NPAS4: variants seen among roughly 807,000 people sequenced by gnomAD.
NPAS4 encodes the protein neuronal PAS domain protein 4.
NPAS4 carries 10 observed loss-of-function variants against 64.0 expected under a neutral mutation model. The ratio of observed to expected loss-of-function variants is 0.16; its 90% CI spans 0.10 to 0.26. The LOEUF is 0.26. Among genes scored for constraint, NPAS4 ranks in the 10% least tolerant of loss-of-function variants. The pLI, the probability that NPAS4 is intolerant of heterozygous loss-of-function variation, is 1.00. For synonymous variants in NPAS4, 441 were observed against 411.7 expected (o/e 1.07, Z -0.86); for missense variants, 886 against 992.6 (o/e 0.89, Z 1.44).
chr11:66,421,675 A>G (rs911645336), intron 1 of NPAS4, among the ~76,000 whole-genome samples: 5 of 152,228 alleles, frequency 3.3e-5, no homozygotes, highest in African/African-American at 7.2e-5. Flanking sequence ...GGGAAGTTGC[A>G]GGGATGGAGC....
At chr11:66,410,927 TG>T in the NPAS4 span, 1 of 152,268 alleles carries the variant, frequency 6.6e-6, no homozygotes, top group Non-Finnish European at 1.5e-5. Flanking sequence ...GAGGATGACC[TG>T]GGGGTCTGTT....
rs372289639 is a variant in NPAS4 at position 66,422,144 on chromosome 11, G to T, written c.200G>T (p.Gly67Val). ...GGCACTCCTCTGGCGGGCCCCACGG[G>T]GCTTCTCTCAGCTCAAGAGCTTGAG... ...AGGTPLAGPT[G>V]LLSAQELEDI... is the part of the protein sequence containing the mutation. The change falls in exon 2 of 8, where the codon GGG becomes GTG. Residue 67 changes from glycine (G) to valine (V), a missense_variant. Around this residue, in one of 3 missense-constraint regions of NPAS4, gnomAD observed 820 missense variants for 855.5 expected, o/e 0.96. Transcript: ENST00000311034. 1.2e-6 allele frequency: 2 copies of T among 1,613,954 alleles called. No individual in the cohort carries two copies. Among genetic ancestry groups the T allele is most frequent in the Non-Finnish European group, 1.7e-6 (2 of 1,180,036 alleles).
chr11:66,421,423 G>C, intron 1 of NPAS4, 69 bp downstream of exon 1: 2 of 1,450,182 alleles, frequency 1.4e-6, no homozygotes, highest in South Asian at 2.3e-5. Context: ...GAGGGAACCC[G>C]CTGGGGCTGT....
chr11:66,410,468 G>A, the NPAS4 span: 1 of 152,484 alleles, frequency 6.6e-6, no homozygotes, highest in Non-Finnish European at 1.5e-5. Context: ...CAGTGCAGAG[G>A]GGGAGACTCA....
chr11:66,426,138 GGA>G lies in NPAS4; in HGVS notation c.*151_*152del. On this transcript the variant is annotated 3_prime_UTR_variant, in exon 8 of 8. Coordinates refer to ENST00000311034, the MANE Select transcript of NPAS4 (RefSeq NM_178864.4). ...AGGCCCTGCAGGATTTTGGGGGGGG[GGA>G]GGTGGGAGGGCAAGGGAGGGGAGCT... 13 of 456,340 alleles carry G rather than the reference GGA, an allele frequency of 2.8e-5. No individual in the cohort carries two copies. Among genetic ancestry groups the G allele is most frequent in the East Asian group, 1.4e-4 (3 of 21,202 alleles). 28.3% of individuals were successfully genotyped at this position (456,340 alleles called of 1,614,324 possible).
At chr11:66,414,736 G>C in the NPAS4 span, among the ~76,000 whole-genome samples, 1 of 152,230 alleles carries the variant, frequency 6.6e-6, no homozygotes, top group African/African-American at 2.4e-5. Flanking sequence ...CCAGCTCTGC[G>C]TGGGTTTCCT....
In NPAS4 at chr11:66,421,297, C is replaced by T; in HGVS notation, c.118C>T (p.Leu40=). 6.2e-7 allele frequency: 1 copy of T among 1,614,022 alleles called. No homozygotes were observed. Among genetic ancestry groups the T allele is most frequent in the Non-Finnish European group, 8.5e-7 (1 of 1,179,956 alleles). The change falls in exon 1 of 8, where the codon CTG becomes TTG. Residue 40 remains leucine (L), a synonymous_variant. Coordinates refer to ENST00000311034, the MANE Select transcript of NPAS4 (RefSeq NM_178864.4). ...AGCGGACAAGGTCCGGCTGTCCTAC[C>T]TGCACATCATGAGCCTCGCCTGCAT... ...AEADKVRLSY[L]HIMSLACIYT... is the part of the protein sequence containing the mutation.
Position 66,422,849 on chromosome 11 carries a change from T to TTCTGGC in NPAS4, c.606_607insTCTGGC (p.Gly202_Pro203insSerGly). ...CTCTGGAGCCGAGACCCCGCCCAGG[T>TTCTGGC]CCTGGCCCTGGCCCTGGCCCTGCCT... On this transcript the variant is annotated inframe_insertion, in exon 4 of 8. Coordinates refer to ENST00000311034, the MANE Select transcript of NPAS4 (RefSeq NM_178864.4). 6.2e-7 allele frequency: 1 copy of TTCTGGC among 1,613,568 alleles called. No individual in the cohort carries two copies. Among genetic ancestry groups the TTCTGGC allele is most frequent in the Non-Finnish European group, 8.5e-7 (1 of 1,179,998 alleles).
chr11:66,409,218 G>A, the NPAS4 span: 1 of 81,998 alleles, frequency 1.2e-5, no homozygotes, highest in Non-Finnish European at 2.3e-5. Context: ...CCCCCGAGCC[G>A]CGAGCCCCGC....
At chr11:66,418,663 A>G (rs922359908), upstream of NPAS4, among the ~76,000 whole-genome samples, 1 of 152,074 alleles carries the variant, frequency 6.6e-6, no homozygotes, top group African/African-American at 2.4e-5. Context: ...GGAAAAAGCC[A>G]GGGGCTCTTC....
intron 7 of NPAS4, 110 bp downstream of exon 7, chr11:66,425,380 G>T: frequency 1.7e-6 from 1 of 577,676 alleles, no homozygotes. Flanking sequence ...TTATTAAGGG[G>T]ATGACATCCC....
upstream of NPAS4, among the ~76,000 whole-genome samples, chr11:66,418,525 G>A (rs1175946521): frequency 6.6e-6 from 1 of 152,122 alleles, no homozygotes; most frequent in Non-Finnish European, 1.5e-5. Context: ...AGGAGACATT[G>A]GGGCACACAG....
chr11:66,426,134 G>A lies in NPAS4; in HGVS notation c.*145G>A, dbSNP rs1017474556. 4 of 464,960 alleles carry A rather than the reference G, an allele frequency of 8.6e-6. No individual in the cohort carries two copies. The highest frequency in any genetic ancestry group is 1.6e-5 in the Non-Finnish European group (4 of 243,430). 28.8% of individuals were successfully genotyped at this position (464,960 alleles called of 1,614,324 possible). On this transcript the variant is annotated 3_prime_UTR_variant, in exon 8 of 8. Transcript: ENST00000311034. ...CCCCAGGCCCTGCAGGATTTTGGGG[G>A]GGGGGAGGTGGGAGGGCAAGGGAGG... is the stretch of plus-strand genomic sequence containing the variant.
At position 66,423,841 on chromosome 11, in the gene NPAS4, G is replaced by C; in HGVS notation, c.951G>C (p.Met317Ile). The C allele has an allele frequency of 1.9e-6, 3 of 1,608,116 alleles. No homozygotes were observed. Among genetic ancestry groups the C allele is most frequent in the Non-Finnish European group, 2.5e-6 (3 of 1,176,602 alleles). The change falls in exon 7 of 8, where the codon ATG becomes ATC. Residue 317 changes from methionine (M) to isoleucine (I), a missense_variant. Physicochemically the swap from Met to Ile is conservative, Grantham distance 10. Transcript: ENST00000311034. ...ITANNYPISD[M>I]EAWSLRQQLN... ...CCTCTTCTCTCCTCTCCAGTGACAT[G>C]GAAGCCTGGAGCCTCCGCCAGCAGT...
chr11:66,420,404 A>G (rs1590692232), upstream of NPAS4, among the ~76,000 whole-genome samples: 1 of 152,204 alleles, frequency 6.6e-6, no homozygotes. Flanking sequence ...ATAAGCCGCC[A>G]AGGCCCGATT....
In NPAS4 at chr11:66,424,957, G is replaced by T. The variant is rs1276002745; in HGVS notation, c.2067G>T (p.Trp689Cys). The change falls in exon 7 of 8, where the codon TGG (tryptophan) becomes TGT (cysteine). Residue 689 changes from tryptophan (W) to cysteine (C), a missense_variant. Physicochemically the swap from Trp to Cys is radical, Grantham distance 215 (BLOSUM62 -2). Around this residue, in one of 3 missense-constraint regions of NPAS4, gnomAD observed 820 missense variants for 855.5 expected, o/e 0.96. Coordinates refer to ENST00000311034, the MANE Select transcript of NPAS4 (RefSeq NM_178864.4). ...PPVLSLDLKPWKCQELDFLAD... is the reference protein window; with the variant it reads ...PPVLSLDLKPCKCQELDFLAD... Reference sequence around the variant, plus strand: ...TGCTCAGCCTGGACCTGAAACCCTGGAAATGCCAGGAGCTGGACTTCCTGG... The same window carrying T: ...TGCTCAGCCTGGACCTGAAACCCTGTAAATGCCAGGAGCTGGACTTCCTGG... 6.2e-7 allele frequency: 1 copy of T among 1,614,150 alleles called. No homozygotes were observed. The highest frequency in any genetic ancestry group is 1.1e-5 in the South Asian group (1 of 91,092).
intron 5 of NPAS4, 50 bp from the exon 6 acceptor site, chr11:66,423,528 G>A (rs1255520227): frequency 3.1e-6 from 5 of 1,608,766 alleles, no homozygotes; most frequent in African/African-American, 1.3e-5. Context: ...GTGGGGAGTA[G>A]GTAGAATTGC....
At chr11:66,419,976 G>A (rs1051278979), upstream of NPAS4, among the ~76,000 whole-genome samples, 3 of 152,180 alleles carry the variant, frequency 2.0e-5, no homozygotes, top group South Asian at 6.2e-4. Context: ...GCCCTCCGGA[G>A]CGGTGCGGAG....
rs1565241040 is a variant in NPAS4, at chr11:66,423,572, C to T, written c.809-6C>T. ...CATCCTAACTCTGCATCTTCTTTCTCCCCAGTGGCTGAGAGTGGAGATATT... is the reference window on the plus strand; with the variant it reads ...CATCCTAACTCTGCATCTTCTTTCTTCCCAGTGGCTGAGAGTGGAGATATT... On this transcript the variant is annotated splice_polypyrimidine_tract_variant and splice_region_variant and intron_variant, in intron 5 of 7. Coordinates refer to ENST00000311034, the MANE Select transcript of NPAS4 (RefSeq NM_178864.4). 1 of 1,613,754 alleles carries T rather than the reference C, an allele frequency of 6.2e-7. No individual in the cohort carries two copies. Among genetic ancestry groups the T allele is most frequent in the African/African-American group, 1.3e-5 (1 of 74,870 alleles).
Sources: allele counts gnomAD v4.1 joint callset (sites outside exome capture counted in the v4.1 genomes callset), GRCh38; gene constraint gnomAD v4.1.1; regional missense constraint gnomAD v4.1.1; transcripts MANE v1.5; gene names NCBI Gene and HGNC (gene_info 2026-07-23, HGNC 2026-07-21).